The following LMBRD1 variants were observed in gnomAD, a reference collection of about 807,000 sequenced individuals.
LMBRD1 encodes lysosomal cobalamin transport escort protein LMBD1.
In LMBRD1, 64 loss-of-function variants were observed where a neutral mutation model predicts 74.8. That is an observed-to-expected ratio of 0.86 (90% CI 0.70 to 1.05). The LOEUF is 1.05. LMBRD1 is among the 50% of genes least tolerant of loss of function. The pLI is 0.00. For missense variants in LMBRD1, 652 were observed against 645.9 expected, an observed-to-expected ratio of 1.01 and a Z score of -0.10; for synonymous variants, 204 against 216.3, an observed-to-expected ratio of 0.94 and a Z score of 0.50.
intron 4 of LMBRD1, among the ~76,000 whole-genome samples, chr6:69,750,892 T>C (rs1433545377): frequency 6.6e-6 from 1 of 152,212 alleles, no homozygotes; most frequent in Non-Finnish European, 1.5e-5. Flanking sequence ...CTAATCTTAA[T>C]GCAAATGCTC....
chr6:69,695,841 C>CTT lies in LMBRD1; in HGVS notation c.1417+1720_1417+1721dup, dbSNP rs70987485. Among the ~76,000 whole-genome samples, 55 of 140,602 alleles carry CTT rather than the reference C, an allele frequency of 3.9e-4. 1 individual carries two copies. The highest frequency in any genetic ancestry group is 1.3e-3 in the East Asian group (6 of 4,768). The allele number at this position is 140,602 out of a possible 152,430, so 92.2% of individuals were successfully genotyped here. ...TTTTACAATTTTTCTAACCTTAGTA[C>CTT]TTTTTTTTTTTTTTTTCCCTGAGAC... is the stretch of plus-strand genomic sequence containing the variant. On this transcript the variant is annotated intron_variant, in intron 14 of 15. Coordinates refer to ENST00000649934, the MANE Select transcript of LMBRD1 (RefSeq NM_018368.4).
At chr6:69,717,762 A>G (rs1436974721) in intron 8 of LMBRD1, among the ~76,000 whole-genome samples, 2 of 152,194 alleles carry the variant, frequency 1.3e-5, no homozygotes, top group Non-Finnish European at 2.9e-5. Context: ...CAGCGGCACG[A>G]TCATGGATCA....
chr6:69,774,672 C>T (rs781743572), intron 3 of LMBRD1, among the ~76,000 whole-genome samples: 2 of 152,076 alleles, frequency 1.3e-5, no homozygotes, highest in Non-Finnish European at 2.9e-5. Flanking sequence ...GATAAAAGGA[C>T]TGCAAAGCAG....
chr6:69,705,252 C>A, intron 9 of LMBRD1: 1 of 695,658 alleles, frequency 1.4e-6, no homozygotes, highest in Admixed American at 1.8e-5. Flanking sequence ...TGAAGTAAGA[C>A]AGAAAAATTT....
chr6:69,791,235 T>C (rs1766075829), intron 1 of LMBRD1, among the ~76,000 whole-genome samples: 1 of 152,196 alleles, frequency 6.6e-6, no homozygotes, highest in African/African-American at 2.4e-5. Context: ...CTAGGCCCCA[T>C]CCTCTGAGTT....
chr6:69,700,417 T>C (rs1157612300), intron 12 of LMBRD1, among the ~76,000 whole-genome samples: 3 of 151,840 alleles, frequency 2.0e-5, no homozygotes, highest in African/African-American at 4.8e-5. Context: ...TTCTCAACCA[T>C]GGAACTATTG....
At chr6:69,741,677 C>T (rs1767105316) in intron 6 of LMBRD1, 112 bp downstream of exon 6, 5 of 686,464 alleles carry the variant, frequency 7.3e-6, no homozygotes, top group Admixed American at 2.2e-5. Flanking sequence ...GCATGAGCCA[C>T]CACGCCCAGC....
chr6:69,692,049 T>G (rs954280854), intron 14 of LMBRD1, among the ~76,000 whole-genome samples: 5 of 152,176 alleles, frequency 3.3e-5, no homozygotes, highest in African/African-American at 1.2e-4. Context: ...TACATTATTA[T>G]TTACAATAAT....
At chr6:69,788,336 C>A (rs1053122559) in intron 2 of LMBRD1, among the ~76,000 whole-genome samples, 2 of 151,920 alleles carry the variant, frequency 1.3e-5, no homozygotes, top group African/African-American at 2.4e-5. Flanking sequence ...ACATATATAT[C>A]ATTATCTATT....
Position 69,752,253 on chromosome 6 carries a change from A to G in LMBRD1, c.405+6T>C. 6.2e-7 allele frequency: 1 copy of G among 1,607,408 alleles called. No homozygotes were observed. Among genetic ancestry groups the G allele is most frequent in the Non-Finnish European group, 8.5e-7 (1 of 1,174,930 alleles). Reference sequence around the variant, plus strand: ...AAACTAAGGCCTCTAAAATAAAGATACTTACAGTACATTTACTAGTATCAT... The same window carrying G: ...AAACTAAGGCCTCTAAAATAAAGATGCTTACAGTACATTTACTAGTATCAT... On this transcript the variant is annotated splice_donor_region_variant and intron_variant, in intron 4 of 15. Coordinates refer to ENST00000649934, the MANE Select transcript of LMBRD1 (RefSeq NM_018368.4).
At chr6:69,739,011 A>C (rs1433044202) in intron 6 of LMBRD1, among the ~76,000 whole-genome samples, 3 of 152,158 alleles carry the variant, frequency 2.0e-5, no homozygotes, top group African/African-American at 7.2e-5. Context: ...TTTAAGCCTT[A>C]ATTTTTTAAA....
intron 3 of LMBRD1, among the ~76,000 whole-genome samples, chr6:69,771,747 G>A (rs975818855): frequency 2.6e-5 from 4 of 152,022 alleles, no homozygotes; most frequent in Non-Finnish European, 4.4e-5. Context: ...AGCAGATAAG[G>A]AAAAGACGTA....
Position 69,707,345 on chromosome 6 carries a change from T to C in LMBRD1, c.916-5392A>G, listed in dbSNP as rs1010806110. Among the ~76,000 whole-genome samples the C allele has an allele frequency of 2.0e-5, 3 of 152,180 alleles. No individual in the cohort carries two copies. In the East Asian group the frequency reaches 5.8e-4, roughly 29 times the overall value. On this transcript the variant is annotated intron_variant, in intron 9 of 15. Coordinates refer to ENST00000649934, the MANE Select transcript of LMBRD1 (RefSeq NM_018368.4). ...AGGATAATCTTTATATCTTAAGGTT[T>C]ATAACCTTAATTACATCTGTAAGGT... is the stretch of plus-strand genomic sequence containing the variant.
chr6:69,746,768 A>T, intron 5 of LMBRD1: 1 of 163,126 alleles, frequency 6.1e-6, no homozygotes, highest in East Asian at 1.6e-4. Context: ...CCACTTTTTC[A>T]AACTCATTTT....
chr6:69,716,620 T>C (rs1282057060), intron 8 of LMBRD1, among the ~76,000 whole-genome samples: 1 of 152,148 alleles, frequency 6.6e-6, no homozygotes, highest in Non-Finnish European at 1.5e-5. Flanking sequence ...TGATTTTACA[T>C]GACATAATTC....
intron 14 of LMBRD1, among the ~76,000 whole-genome samples, chr6:69,688,658 A>G (rs891184833): frequency 1.3e-5 from 2 of 152,038 alleles, no homozygotes; most frequent in African/African-American, 2.4e-5. Context: ...TCTACTTGGC[A>G]GATGTATGTC....
At chr6:69,794,782 C>T (rs942222598) in intron 1 of LMBRD1, among the ~76,000 whole-genome samples, 12 of 152,146 alleles carry the variant, frequency 7.9e-5, no homozygotes, top group East Asian at 1.9e-4. Context: ...TGTAATGAAA[C>T]GTATCCATAT....
intron 9 of LMBRD1, chr6:69,705,271 T>C (rs1354685342): frequency 6.9e-6 from 5 of 720,826 alleles, no homozygotes; most frequent in African/African-American, 1.7e-5. Flanking sequence ...TTTAACAAAT[T>C]GTTTAAACTA....
At chr6:69,776,600 G>A (rs948503337) in intron 3 of LMBRD1, among the ~76,000 whole-genome samples, 9 of 152,158 alleles carry the variant, frequency 5.9e-5, no homozygotes, top group South Asian at 2.1e-4. Context: ...CATGGAACCC[G>A]AACATAAAAG....
Sources: allele counts gnomAD v4.1 joint callset (sites outside exome capture counted in the v4.1 genomes callset), GRCh38; gene constraint gnomAD v4.1.1; transcripts MANE v1.5; gene names NCBI Gene and HGNC (gene_info 2026-07-23, HGNC 2026-07-21).